PPP1R10: variants seen among roughly 807,000 people sequenced by gnomAD.
PPP1R10 encodes serine/threonine-protein phosphatase 1 regulatory subunit 10.
PPP1R10 carries 15 observed loss-of-function variants against 99.0 expected under a neutral mutation model. The ratio of observed to expected loss-of-function variants is 0.15; its 90% CI spans 0.10 to 0.23. The LOEUF is 0.23. Ranked by LOEUF, PPP1R10 falls within the 10% of genes least tolerant of loss-of-function variation. PPP1R10 has a pLI of 1.00. For missense variants in PPP1R10, 947 were observed against 1,259.4 expected (o/e 0.75, Z 3.75); for synonymous variants, 430 against 449.5 (o/e 0.96, Z 0.55).
rs1803925205 is a variant in PPP1R10, at chr6:30,606,161, T to C, written c.717A>G (p.Lys239=). 2 of 1,613,898 alleles carry C rather than the reference T, an allele frequency of 1.2e-6. No homozygotes were observed. The highest frequency in any genetic ancestry group is 1.1e-5 in the South Asian group (1 of 91,078). Residue 239 remains lysine (K), a synonymous_variant, in exon 9 of 20, where the codon AAA becomes AAG. Transcript: ENST00000376511. The surrounding 1 kb of genome is among the most constrained non-coding windows in gnomAD (Gnocchi z 6.3). The part of the protein sequence containing the change: ...TVVVSDKYNL[K]PIPLKRQSNV... ...ACCTCTGACGTTTGAGGGGGATGGGTTTAAGGTTGTACTTGTCAGAAACCA... is the reference window on the plus strand; with the variant it reads ...ACCTCTGACGTTTGAGGGGGATGGGCTTAAGGTTGTACTTGTCAGAAACCA...
intron 2 of PPP1R10, among the ~76,000 whole-genome samples, chr6:30,615,221 C>G (rs1349529713): frequency 6.9e-6 from 1 of 145,580 alleles, no homozygotes; most frequent in Non-Finnish European, 1.5e-5. Flanking sequence ...TATAAAACAC[C>G]TTTTTAGTAA....
intron 2 of PPP1R10, 107 bp from the exon 3 acceptor site, chr6:30,610,062 T>C: frequency 1.4e-6 from 1 of 705,268 alleles, no homozygotes; most frequent in Non-Finnish European, 2.5e-6. Flanking sequence ...CAAAGTATAA[T>C]GACTAATTAT....
chr6:30,600,851 T>G lies in PPP1R10; in HGVS notation c.*698A>C, dbSNP rs1803238092. On this transcript the variant is annotated 3_prime_UTR_variant, in exon 20 of 20. Transcript: ENST00000376511. ...GGCAAAGGCAGACCAGCACCACCGG[T>G]CTCACCTCTGCCAGCTAAAACTTGC... 6.6e-6 allele frequency: 1 copy of G among 152,620 alleles called. No individual in the cohort carries two copies. Among genetic ancestry groups the G allele is most frequent in the Non-Finnish European group, 1.5e-5 (1 of 68,070 alleles). The allele number at this position is 152,620 out of a possible 1,614,324, so 9.5% of individuals were successfully genotyped here.
rs771648421 is a variant in PPP1R10 at position 30,606,680 on chromosome 6, G to C, written c.461-39C>G. ...ACAAAGCAGAAAAGGATTTTATTTA[G>C]ATGAACACTGTCAGAGGTGAAGCAG... is the stretch of plus-strand genomic sequence containing the variant. On this transcript the variant is annotated intron_variant, in intron 7 of 19. Coordinates refer to ENST00000376511, the MANE Select transcript of PPP1R10 (RefSeq NM_002714.4). The surrounding 1 kb of genome is among the most constrained non-coding windows in gnomAD (Gnocchi z 6.3). 2 of 1,613,408 alleles carry C rather than the reference G, an allele frequency of 1.2e-6. No homozygotes were observed. The highest frequency in any genetic ancestry group is 1.7e-6 in the Non-Finnish European group (2 of 1,179,478).
At position 30,606,915 on chromosome 6, in the gene PPP1R10, C is replaced by G; in HGVS notation, c.383-59G>C. On this transcript the variant is annotated intron_variant, in intron 6 of 19. Transcript: ENST00000376511. The surrounding 1 kb of genome is among the most constrained non-coding windows in gnomAD (Gnocchi z 6.3). ...ATGTAAAGTAACATTCTTCCAGGAA[C>G]AGAAAATGGGAGGTTTGAGAAAATA... 1.4e-6 allele frequency: 2 copies of G among 1,444,954 alleles called. No individual in the cohort carries two copies. Among genetic ancestry groups the G allele is most frequent in the South Asian group, 2.4e-5 (2 of 84,076 alleles). The allele number at this position is 1,444,954 out of a possible 1,614,324, so 89.5% of individuals were successfully genotyped here. A position where few individuals can be genotyped will look rare whatever the true frequency, so the allele number is the denominator to read the frequency against.
chr6:30,611,302 G>A (rs1804529086), intron 2 of PPP1R10, among the ~76,000 whole-genome samples: 1 of 151,660 alleles, frequency 6.6e-6, no homozygotes, highest in South Asian at 2.1e-4. Flanking sequence ...AGAGTAAGAC[G>A]CTGCCTCAAA....
chr6:30,609,086 A>G lies in PPP1R10; in HGVS notation c.185T>C (p.Ile62Thr), dbSNP rs1804275885. ...NILLQTRSPE[I>T]LVKFIDVGGY... ...CCAGATCCCCACTTACTTGACCAAT[A>G]TTTCTGGTGAACGGGTCTGCAGGAG... Residue 62 changes from isoleucine to threonine, a missense_variant, in exon 4 of 20, where the codon ATA becomes ACA. By Grantham distance (89) the Ile-to-Thr change is moderately conservative. Transcript: ENST00000376511. This position sits in a 1 kb window ranked among gnomAD's most constrained non-coding sequence, Gnocchi z 4.5. 1 of 1,613,848 alleles carries G rather than the reference A, an allele frequency of 6.2e-7. No individual in the cohort carries two copies. The highest frequency in any genetic ancestry group is 1.1e-5 in the South Asian group (1 of 91,080).
rs1299296504 is a variant in PPP1R10, at chr6:30,603,903, C to T, written c.1509-60G>A. Reference sequence around the variant, plus strand: ...TGATAGTCAAGTTATTAATTCAGACCCTGAAAGTAATTTCTAACCTCCACC... The same window carrying T: ...TGATAGTCAAGTTATTAATTCAGACTCTGAAAGTAATTTCTAACCTCCACC... On this transcript the variant is annotated intron_variant, in intron 14 of 19. Coordinates refer to ENST00000376511, the MANE Select transcript of PPP1R10 (RefSeq NM_002714.4). 3.3e-6 allele frequency: 5 copies of T among 1,521,530 alleles called. No homozygotes were observed. The African/African-American group carries it at 5.6e-5, about 17-fold the overall frequency. The allele number at this position is 1,521,530 out of a possible 1,614,324, so 94.3% of individuals were successfully genotyped here.
chr6:30,607,004 A>G (rs1451931919), intron 6 of PPP1R10, 148 bp from the exon 7 acceptor site: 4 of 712,022 alleles, frequency 5.6e-6, no homozygotes, highest in African/African-American at 1.8e-5. Flanking sequence ...AGATATGCTT[A>G]AAAACCAAAC....
Position 30,609,065 on chromosome 6 carries a change from A to G in PPP1R10, c.194+12T>C. On this transcript the variant is annotated intron_variant, in intron 4 of 19. Transcript: ENST00000376511. The surrounding 1 kb of genome is among the most constrained non-coding windows in gnomAD (Gnocchi z 4.5). Reference sequence around the variant, plus strand: ...ACACCTTCCCATTCCAACCATCCAGATCCCCACTTACTTGACCAATATTTC... The same window carrying G: ...ACACCTTCCCATTCCAACCATCCAGGTCCCCACTTACTTGACCAATATTTC... 1 of 1,614,046 alleles carries G rather than the reference A, an allele frequency of 6.2e-7. No homozygotes were observed. Among genetic ancestry groups the G allele is most frequent in the South Asian group, 1.1e-5 (1 of 91,082 alleles).
chr6:30,616,748 G>C lies in PPP1R10; in HGVS notation c.-282C>G, dbSNP rs1206714407. On this transcript the variant is annotated 5_prime_UTR_variant, in exon 2 of 20. Coordinates refer to ENST00000376511, the MANE Select transcript of PPP1R10 (RefSeq NM_002714.4). ...GAGTGAATTTGGGTGGTTTGGGAAG[G>C]GAGGGTGGTTGATTATTTTTGAAGT... The C allele has an allele frequency of 1.3e-5, 2 of 152,164 alleles. No homozygotes were observed. The highest frequency in any genetic ancestry group is 2.4e-5 in the African/African-American group (1 of 41,432). The allele number at this position is 152,164 out of a possible 1,614,324, so 9.4% of individuals were successfully genotyped here.
intron 5 of PPP1R10, among the ~76,000 whole-genome samples, chr6:30,608,284 A>ATT (rs1330780023): frequency 1.5e-5 from 2 of 135,900 alleles, no homozygotes; most frequent in Admixed American, 7.6e-5. Context: ...GAGCCACCAC[A>ATT]CCTGGCTGAC....
Position 30,609,902 on chromosome 6 carries a change from G to A in PPP1R10, c.43C>T (p.Leu15=), listed in dbSNP as rs758066180. ...PIDPKELLKG[L]DSFLNRDGEV... The stretch of plus-strand genomic sequence containing the variant: ...CCATCTCGGTTAAGGAAGCTGTCCA[G>A]GCCCTTGAGAAGTTCTTTGGGGTCT... Residue 15 remains leucine (L), a synonymous_variant, in exon 3 of 20, where the codon CTG becomes TTG. Transcript: ENST00000376511. The surrounding 1 kb of genome is among the most constrained non-coding windows in gnomAD (Gnocchi z 4.5). 6.2e-7 allele frequency: 1 copy of A among 1,614,088 alleles called. No homozygotes were observed. Among genetic ancestry groups the A allele is most frequent in the Non-Finnish European group, 8.5e-7 (1 of 1,180,014 alleles).
rs771940592 is a variant in PPP1R10, at chr6:30,602,231, GCCA to G, written c.2415_2417del (p.Gly806del). On this transcript the variant is annotated inframe_deletion, in exon 19 of 20. Coordinates refer to ENST00000376511, the MANE Select transcript of PPP1R10 (RefSeq NM_002714.4). This position sits in a 1 kb window ranked among gnomAD's most constrained non-coding sequence, Gnocchi z 6.7. ...GACGATGGCCACTGCCACCACTGAT[GCCA>G]CCGCCAGGGCCTTCGTGGGGACGAT... The G allele has an allele frequency of 1.2e-5, 20 of 1,611,564 alleles. No homozygotes were observed. Among genetic ancestry groups the G allele is most frequent in the South Asian group, 4.4e-5 (4 of 91,006 alleles).
At position 30,602,930 on chromosome 6, in the gene PPP1R10, T is replaced by C. The variant is rs201880473; in HGVS notation, c.1873A>G (p.Ile625Val). 13 of 1,554,346 alleles carry C rather than the reference T, an allele frequency of 8.4e-6. No individual in the cohort carries two copies. Among genetic ancestry groups the C allele is most frequent in the South Asian group, 2.4e-5 (2 of 84,480 alleles). Residue 625 changes from isoleucine (I) to valine (V), a missense_variant, in exon 18 of 20, where the codon ATA (isoleucine) becomes GTA (valine). Ile to Val is a conservative substitution (Grantham distance 29). Transcript: ENST00000376511. This position sits in a 1 kb window ranked among gnomAD's most constrained non-coding sequence, Gnocchi z 6.7. The stretch of plus-strand genomic sequence containing the variant: ...CCCCCTGGTGGGAAACCATTGGCTA[T>C]TGGGCCAGGGCCTAGGAGTCCATGT... ...VPHGLLGPGPIANGFPPGGPG... is the reference protein window; with the variant it reads ...VPHGLLGPGPVANGFPPGGPG...
chr6:30,601,097 C>G lies in PPP1R10; in HGVS notation c.*452G>C, dbSNP rs1486848896. 1.2e-5 allele frequency: 2 copies of G among 170,562 alleles called. No homozygotes were observed. Among genetic ancestry groups the G allele is most frequent in the Non-Finnish European group, 2.6e-5 (2 of 78,210 alleles). The allele number at this position is 170,562 out of a possible 1,614,324, so 10.6% of individuals were successfully genotyped here. A position where few individuals can be genotyped will look rare whatever the true frequency, so the allele number is the denominator to read the frequency against. On this transcript the variant is annotated 3_prime_UTR_variant, in exon 20 of 20. Transcript: ENST00000376511. ...CAATACCCCTTTCAGCATCTCCCCA[C>G]CCCATGAGGAATAATGAACTTAGCT...
At position 30,616,821 on chromosome 6, in the gene PPP1R10, T is replaced by C. The variant is rs1170685389; in HGVS notation, c.-355A>G. On this transcript the variant is annotated 5_prime_UTR_variant, in exon 2 of 20. Coordinates refer to ENST00000376511, the MANE Select transcript of PPP1R10 (RefSeq NM_002714.4). ...CACAGATTTCAAGTCCCAAGCAGCG[T>C]GGGCTGGTGGGGTGGGCAAGATAGG... 6.6e-6 allele frequency: 1 copy of C among 152,154 alleles called. No individual in the cohort carries two copies. The highest frequency in any genetic ancestry group is 1.5e-5 in the Non-Finnish European group (1 of 68,020). 9.4% of individuals were successfully genotyped at this position (152,154 alleles called of 1,614,324 possible).
Position 30,604,152 on chromosome 6 carries a change from A to G in PPP1R10, c.1364T>C (p.Met455Thr). 1.2e-6 allele frequency: 2 copies of G among 1,614,048 alleles called. No homozygotes were observed. The highest frequency in any genetic ancestry group is 1.7e-6 in the Non-Finnish European group (2 of 1,180,008). The stretch of plus-strand genomic sequence containing the variant: ...GCACACCCAGGGCACCTTCTCCTCC[A>G]TGTTATCATGGCTCAGACGCCGCGC... ...ETARRLSHDN[M>T]EEKVPWVCPR... Residue 455 changes from methionine (M) to threonine (T), a missense_variant, in exon 14 of 20, where the codon ATG becomes ACG. Around this residue, in one of 10 missense-constraint regions of PPP1R10, gnomAD observed 50 missense variants for 78.6 expected, o/e 0.64. Transcript: ENST00000376511. The surrounding 1 kb of genome is among the most constrained non-coding windows in gnomAD (Gnocchi z 7.3).
chr6:30,610,093 A>G lies in PPP1R10; in HGVS notation c.-11-138T>C, dbSNP rs73727451. The G allele has an allele frequency of 7.2e-3, 4,628 of 641,534 alleles. 127 individuals carry two copies. Among genetic ancestry groups the G allele is most frequent in the African/African-American group, 0.068 (3,700 of 54,564 alleles). The allele number at this position is 641,534 out of a possible 1,614,324, so 39.7% of individuals were successfully genotyped here. On this transcript the variant is annotated intron_variant, in intron 2 of 19. Coordinates refer to ENST00000376511, the MANE Select transcript of PPP1R10 (RefSeq NM_002714.4). Reference sequence around the variant, plus strand: ...ATTATTCAACTATGCTATTTTTTAGATATGAAAAATCGACACAGACCACTT... The same window carrying G: ...ATTATTCAACTATGCTATTTTTTAGGTATGAAAAATCGACACAGACCACTT...
Sources: gnomAD v4.1 joint callset for allele counts (sites outside exome capture counted in the v4.1 genomes callset) on GRCh38, gnomAD v4.1.1 for gene constraint, gnomAD v4.1.1 regional missense constraint, Gnocchi (gnomAD v3.1) non-coding constraint, MANE v1.5 for transcripts, NCBI Gene and HGNC (gene_info 2026-07-23, HGNC 2026-07-21) for gene names.